SKAP2: variants seen among roughly 807,000 people sequenced by gnomAD.
The protein encoded by SKAP2 is src kinase associated phosphoprotein 2, also known as src kinase-associated phosphoprotein 2.
A neutral mutation model predicts 54.9 loss-of-function variants in SKAP2; 28 were observed. That is an observed-to-expected ratio of 0.51 (90% CI 0.38 to 0.70). The LOEUF (loss-of-function observed/expected upper bound fraction) is 0.70. Ranked by LOEUF, SKAP2 falls within the 30% of genes least tolerant of loss-of-function variation. The pLI is 0.00. For synonymous variants in SKAP2, 137 were observed against 134.3 expected (o/e 1.02, Z -0.14); for missense variants, 356 against 424.1 (o/e 0.84, Z 1.41).
chr7:26,814,557 C>T (rs1378680472), intron 4 of SKAP2, among the ~76,000 whole-genome samples: 10 of 134,732 alleles, frequency 7.4e-5, no homozygotes, highest in African/African-American at 2.5e-4. Context: ...AACACCCTTA[C>T]ACCAGCAAAA....
At chr7:26,693,045 G>A (rs1786818409) in intron 9 of SKAP2, among the ~76,000 whole-genome samples, 1 of 152,154 alleles carries the variant, frequency 6.6e-6, no homozygotes, top group Non-Finnish European at 1.5e-5. Context: ...AGAAGAGACT[G>A]TGGGGGCTGG....
chr7:26,733,804 A>G (rs927997407), intron 6 of SKAP2, among the ~76,000 whole-genome samples: 1 of 152,206 alleles, frequency 6.6e-6, no homozygotes, highest in Non-Finnish European at 1.5e-5. Flanking sequence ...ATATGATGTA[A>G]GAAATAACCT....
chr7:26,757,813 G>C (rs915094274), intron 4 of SKAP2, among the ~76,000 whole-genome samples: 1 of 152,200 alleles, frequency 6.6e-6, no homozygotes, highest in Non-Finnish European at 1.5e-5. Context: ...CCAGGCTGGA[G>C]TGCAGTGGTG....
At chr7:26,740,151 TAAAA>T (rs60264987) in intron 4 of SKAP2, among the ~76,000 whole-genome samples, 187 bp from the exon 5 acceptor site, 3 of 129,852 alleles carry the variant, frequency 2.3e-5, no homozygotes, top group Non-Finnish European at 3.3e-5. Context: ...GTCTCAAAAG[TAAAA>T]AAAAAAAAAA....
chr7:26,733,111 A>G (rs1041558506), intron 6 of SKAP2, among the ~76,000 whole-genome samples: 6 of 151,938 alleles, frequency 3.9e-5, no homozygotes, highest in Non-Finnish European at 8.8e-5. Context: ...GGCCTGGGCA[A>G]CAGAGCGAGA....
At chr7:26,759,297 C>T (rs2127970092) in intron 4 of SKAP2, among the ~76,000 whole-genome samples, 1 of 152,306 alleles carries the variant, frequency 6.6e-6, no homozygotes, top group South Asian at 2.1e-4. Flanking sequence ...ATGATGTACA[C>T]TTCACATAGC....
chr7:26,852,242 T>A (rs1034543055), intron 3 of SKAP2, among the ~76,000 whole-genome samples: 13 of 152,206 alleles, frequency 8.5e-5, no homozygotes, highest in Admixed American at 1.3e-4. Context: ...TGTAGAGACC[T>A]GAAAATAAAT....
intron 4 of SKAP2, among the ~76,000 whole-genome samples, chr7:26,805,206 T>G (rs892062092): frequency 5.9e-5 from 9 of 152,168 alleles, no homozygotes; most frequent in African/African-American, 2.2e-4. Flanking sequence ...TAAAAAATTT[T>G]TAATCAGATT....
intron 4 of SKAP2, among the ~76,000 whole-genome samples, chr7:26,761,864 C>T (rs879767474): frequency 2.6e-5 from 4 of 152,200 alleles, no homozygotes; most frequent in Non-Finnish European, 2.9e-5. Context: ...TGTGCCATTG[C>T]GCTCTAGCCA....
chr7:26,751,644 CCT>C lies in SKAP2; in HGVS notation c.308-11682_308-11681del, dbSNP rs1782684361. 2.6e-5 allele frequency among the ~76,000 whole-genome samples: 4 copies of C among 152,204 alleles called. No homozygotes were observed. The South Asian group carries it at 8.3e-4, about 32-fold the overall frequency. On this transcript the variant is annotated intron_variant, in intron 4 of 12. Coordinates refer to ENST00000345317, the MANE Select transcript of SKAP2 (RefSeq NM_003930.5). Reference sequence around the variant, plus strand: ...ACACATGTGTATGCAATCTTTCTCCCCTCTCTCTTACAGACACACACACCATT... The same window carrying C: ...ACACATGTGTATGCAATCTTTCTCCCCTCTCTTACAGACACACACACCATT...
chr7:26,763,565 T>C (rs888240571), intron 4 of SKAP2, among the ~76,000 whole-genome samples: 4 of 152,266 alleles, frequency 2.6e-5, no homozygotes, highest in African/African-American at 9.6e-5. Context: ...GAGAGATACT[T>C]TGAGATGACG....
At chr7:26,707,372 AG>A (rs1188271727) in intron 9 of SKAP2, among the ~76,000 whole-genome samples, 8 of 152,176 alleles carry the variant, frequency 5.3e-5, no homozygotes, top group Middle Eastern at 3.4e-3. Flanking sequence ...AAAAAAAAAA[AG>A]AAGTAATTAA....
chr7:26,746,354 G>T (rs1782560127), intron 4 of SKAP2, among the ~76,000 whole-genome samples: 1 of 152,142 alleles, frequency 6.6e-6, no homozygotes, highest in Non-Finnish European at 1.5e-5. Context: ...AAGATGCAGG[G>T]ATGCAGACAC....
At chr7:26,843,255 CTA>C (rs1486946035) in intron 4 of SKAP2, among the ~76,000 whole-genome samples, 1 of 151,944 alleles carries the variant, frequency 6.6e-6, no homozygotes, top group Non-Finnish European at 1.5e-5. Flanking sequence ...ATTTCTATGT[CTA>C]TGTGAAACTT....
intron 4 of SKAP2, among the ~76,000 whole-genome samples, chr7:26,821,576 A>G (rs1218102072): frequency 6.6e-6 from 1 of 152,168 alleles, no homozygotes; most frequent in Non-Finnish European, 1.5e-5. Flanking sequence ...GAATAAATCA[A>G]TGATTTGCCA....
At chr7:26,678,504 A>G (rs149750248) in intron 11 of SKAP2, among the ~76,000 whole-genome samples, 3,823 of 150,114 alleles carry the variant, frequency 0.025, 159 homozygotes, top group African/African-American at 0.089. Context: ...GCAGTGGTAC[A>G]ATCTCAGCTC....
At chr7:26,676,368 C>T (rs998136176) in intron 11 of SKAP2, among the ~76,000 whole-genome samples, 12 of 152,152 alleles carry the variant, frequency 7.9e-5, no homozygotes, top group Non-Finnish European at 2.9e-5. Flanking sequence ...ATTACTAGCT[C>T]CCATCTCTCC....
At chr7:26,862,980 T>C (rs890390832) in intron 1 of SKAP2, among the ~76,000 whole-genome samples, 1 of 152,108 alleles carries the variant, frequency 6.6e-6, no homozygotes, top group African/African-American at 2.4e-5. Context: ...TTAAGTGTAG[T>C]AAAACAAAAT....
intron 9 of SKAP2, among the ~76,000 whole-genome samples, chr7:26,723,218 T>A (rs528925498): frequency 6.6e-6 from 1 of 152,320 alleles, no homozygotes; most frequent in East Asian, 1.9e-4. Context: ...AACCTCTAAC[T>A]CTGAGACACC....
Sources: allele counts gnomAD v4.1 joint callset (sites outside exome capture counted in the v4.1 genomes callset), GRCh38; gene constraint gnomAD v4.1.1; transcripts MANE v1.5; gene names NCBI Gene and HGNC (gene_info 2026-07-23, HGNC 2026-07-21).